Variants in LMF1 observed in about 807,000 individuals in gnomAD.
LMF1 encodes the protein transmembrane protein 112.
A neutral mutation model predicts 60.6 loss-of-function variants in LMF1; 68 were observed. The observed-to-expected ratio is 1.12, with a 90% CI of 0.92 to 1.37. The LOEUF is 1.37. Ranked by LOEUF, LMF1 falls within the 40% of genes most tolerant of loss-of-function variation. The pLI is 0.00. For synonymous variants in LMF1, 418 were observed against 324.7 expected (o/e 1.29, Z -3.09); for missense variants, 948 against 767.2 (o/e 1.24, Z -2.78).
chr16:964,488 A>C (rs565757422), intron 1 of LMF1, among the ~76,000 whole-genome samples: 2 of 152,318 alleles, frequency 1.3e-5, no homozygotes, highest in South Asian at 4.1e-4. Context: ...GATGTGCTGC[A>C]GAGCTCCGAA....
rs183568817 is a variant in LMF1, at chr16:856,093, G to A, written c.1530-1387C>T. ...AGGGATCAGCAGCTCCAAGAGGAGTGGGGTCGGGCCTTTGGAAAACCTCCC... is the reference window on the plus strand; with the variant it reads ...AGGGATCAGCAGCTCCAAGAGGAGTAGGGTCGGGCCTTTGGAAAACCTCCC... On this transcript the variant is annotated intron_variant, in intron 10 of 10. Transcript: ENST00000262301. The A allele has an allele frequency of 4.4e-4, 173 of 392,240 alleles. 1 individual carries two copies. The East Asian group carries it at 0.011, about 25-fold the overall frequency. 24.3% of individuals were successfully genotyped at this position (392,240 alleles called of 1,614,324 possible).
At chr16:931,748 G>A (rs1234116590) in intron 3 of LMF1, 3 of 1,287,124 alleles carry the variant, frequency 2.3e-6, no homozygotes, top group Non-Finnish European at 1.0e-6. Flanking sequence ...GCTACTACGA[G>A]TCTTCTGAAT....
chr16:861,361 T>C (rs1387658137), intron 10 of LMF1, among the ~76,000 whole-genome samples: 3 of 145,892 alleles, frequency 2.1e-5, no homozygotes, highest in African/African-American at 5.1e-5. Context: ...TTTCTTTTTT[T>C]TTTTTTTTTT....
chr16:876,311 C>A (rs954228033), intron 6 of LMF1, among the ~76,000 whole-genome samples: 2 of 152,230 alleles, frequency 1.3e-5, no homozygotes, highest in African/African-American at 4.8e-5. Flanking sequence ...AGAGGCAGTA[C>A]CGTGGAGACG....
chr16:979,557 C>A, intron 1 of LMF1: 1 of 440,206 alleles, frequency 2.3e-6, no homozygotes, highest in Non-Finnish European at 4.6e-6. Flanking sequence ...ATGCCACTCC[C>A]CAACCTCAGT....
At chr16:965,871 C>T (rs1055236713) in intron 1 of LMF1, among the ~76,000 whole-genome samples, 1 of 152,146 alleles carries the variant, frequency 6.6e-6, no homozygotes, top group Non-Finnish European at 1.5e-5. Context: ...CGGGTCAGCA[C>T]ATTTCACTGA....
At chr16:859,133 G>T (rs2069331050) in intron 10 of LMF1, among the ~76,000 whole-genome samples, 1 of 132,180 alleles carries the variant, frequency 7.6e-6, no homozygotes, top group African/African-American at 3.3e-5. Context: ...GGTGTGCACT[G>T]ATGTCACGGG....
At chr16:943,009 G>A (rs1013745910) in intron 2 of LMF1, among the ~76,000 whole-genome samples, 1 of 152,226 alleles carries the variant, frequency 6.6e-6, no homozygotes, top group African/African-American at 2.4e-5. Flanking sequence ...TTAAGCCCAG[G>A]CAACAGATTT....
intron 3 of LMF1, among the ~76,000 whole-genome samples, chr16:914,615 C>CCCT (rs2071223105): frequency 8.6e-6 from 1 of 116,730 alleles, no homozygotes; most frequent in African/African-American, 3.3e-5. Context: ...CTCCCTCCCT[C>CCCT]CCCATGACCA....
intron 6 of LMF1, among the ~76,000 whole-genome samples, chr16:879,058 G>C (rs1261983989): frequency 6.6e-6 from 1 of 152,096 alleles, no homozygotes; most frequent in Non-Finnish European, 1.5e-5. Flanking sequence ...AGGGATGGCG[G>C]TGACTGTGGG....
chr16:970,650 G>A (rs1450348698), intron 1 of LMF1, 138 bp downstream of exon 1: 4 of 783,720 alleles, frequency 5.1e-6, no homozygotes, highest in African/African-American at 3.7e-5. Context: ...GCCCCGCCTT[G>A]CCCGGGCCCC....
intron 2 of LMF1, among the ~76,000 whole-genome samples, chr16:940,704 T>C (rs1395588072): frequency 6.6e-6 from 1 of 152,196 alleles, no homozygotes; most frequent in Non-Finnish European, 1.5e-5. Context: ...ACCGCAACCG[T>C]GTTAAACCTA....
chr16:898,903 C>T (rs778052666), intron 4 of LMF1: 72 of 152,228 alleles, frequency 4.7e-4, no homozygotes, highest in African/African-American at 1.4e-3. Context: ...TAGAAACCTT[C>T]GGCGTGAACC....
intron 10 of LMF1, chr16:855,003 C>G: frequency 2.0e-6 from 1 of 503,634 alleles, no homozygotes; most frequent in Non-Finnish European, 3.6e-6. Flanking sequence ...CCGGGGAAGG[C>G]CAGGAGCTTC....
At chr16:923,296 A>G (rs2071496021) in intron 3 of LMF1, among the ~76,000 whole-genome samples, 1 of 152,162 alleles carries the variant, frequency 6.6e-6, no homozygotes, top group Non-Finnish European at 1.5e-5. Context: ...ACTGTGGCCT[A>G]CGAGGGTCCC....
chr16:934,122 T>C, intron 3 of LMF1, 122 bp downstream of exon 3: 2 of 1,571,694 alleles, frequency 1.3e-6, no homozygotes, highest in Non-Finnish European at 8.6e-7. Context: ...CCTCCGTGCA[T>C]ACTGGGAAGG....
intron 2 of LMF1, among the ~76,000 whole-genome samples, chr16:952,970 C>CACCCCA (rs2072526118): frequency 3.8e-5 from 2 of 53,110 alleles, no homozygotes; most frequent in African/African-American, 3.5e-4. Flanking sequence ...CACAGACACC[C>CACCCCA]CAAACCAGCC....
At chr16:979,499 G>T (rs2073276824) in intron 1 of LMF1, 3 of 376,998 alleles carry the variant, frequency 8.0e-6, no homozygotes. Context: ...GGAGCCTGAG[G>T]CAGGGTCTCA....
At chr16:908,135 C>G (rs2071016329) in intron 4 of LMF1, among the ~76,000 whole-genome samples, 1 of 152,244 alleles carries the variant, frequency 6.6e-6, no homozygotes, top group South Asian at 2.1e-4. Flanking sequence ...TGTGCATATT[C>G]AAGCCAGCAG....
Sources: gnomAD v4.1 joint callset for allele counts (sites outside exome capture counted in the v4.1 genomes callset) on GRCh38, gnomAD v4.1.1 for gene constraint, MANE v1.5 for transcripts, NCBI Gene and HGNC (gene_info 2026-07-23, HGNC 2026-07-21) for gene names.